Variants in PFKFB2 observed in about 807,000 individuals in gnomAD.
PFKFB2 encodes the protein 6-phosphofructo-2-kinase/fructose-2,6-bisphosphatase 2.
In PFKFB2, 53 loss-of-function variants were observed where a neutral mutation model predicts 68.0. The ratio of observed to expected loss-of-function variants is 0.78; its 90% CI spans 0.63 to 0.98. The LOEUF is 0.98. Ranked by LOEUF, PFKFB2 falls within the 50% of genes least tolerant of loss-of-function variation. The pLI is 0.00. For missense variants in PFKFB2, 451 were observed against 642.0 expected (o/e 0.70, Z 3.22); for synonymous variants, 222 against 227.6 (o/e 0.98, Z 0.22).
In PFKFB2 at chr1:207,063,208, C is replaced by A. The variant is rs777159575; in HGVS notation, c.374C>A (p.Ala125Glu). 6.2e-7 allele frequency: 1 copy of A among 1,612,732 alleles called. No homozygotes were observed. The highest frequency in any genetic ancestry group is 1.1e-5 in the South Asian group (1 of 91,058). ...AYLTEENGQI[A>E]VFDATNTTRE... ...CTCACTGAGGAGAATGGTCAGATTGCGGTAAGCTTTATCTGCTGCTTCTTC... is the reference window on the plus strand; with the variant it reads ...CTCACTGAGGAGAATGGTCAGATTGAGGTAAGCTTTATCTGCTGCTTCTTC... The change falls in exon 5 of 15, where the codon GCG becomes GAG. Residue 125 changes from alanine to glutamate, a missense_variant and splice_region_variant. By Grantham distance (107) the Ala-to-Glu change is moderately radical. Transcript: ENST00000367080. The surrounding 1 kb of genome is among the most constrained non-coding windows in gnomAD (Gnocchi z 4.1).
chr1:207,038,239 C>A (rs770831027), intron 1 of PFKFB2, among the ~76,000 whole-genome samples: 6 of 152,194 alleles, frequency 3.9e-5, no homozygotes, highest in Non-Finnish European at 5.9e-5. Context: ...TATTGTAGAT[C>A]CAGCCCCTTA....
At chr1:207,078,546 T>C (rs1397952243), downstream of PFKFB2, among the ~76,000 whole-genome samples, 3 of 152,220 alleles carry the variant, frequency 2.0e-5, no homozygotes, top group Non-Finnish European at 2.9e-5. Context: ...CTCGTATAAC[T>C]AAAATAGTAG....
At chr1:207,047,526 AAG>A (rs1381733050) in intron 2 of PFKFB2, 6 of 152,756 alleles carry the variant, frequency 3.9e-5, no homozygotes, top group African/African-American at 1.4e-4. Context: ...CTTAATAAAA[AAG>A]AGACCAAAAT....
In PFKFB2 at chr1:207,072,306, G is replaced by C. The variant is rs1247766351; in HGVS notation, c.1453G>C (p.Gly485Arg). The C allele has an allele frequency of 6.2e-7, 1 of 1,614,168 alleles. No individual in the cohort carries two copies. The highest frequency in any genetic ancestry group is 1.7e-5 in the Admixed American group (1 of 60,024). The stretch of plus-strand genomic sequence containing the variant: ...AAGGCGTCCAAGAAATTACAGTGTT[G>C]GGAGCCGGCCCCTCAAGCCCCTCAG... ...TIRRPRNYSV[G>R]SRPLKPLSPL... The change falls in exon 15 of 15, where the codon GGG becomes CGG. Residue 485 changes from glycine to arginine, a missense_variant. By Grantham distance (125) the Gly-to-Arg change is moderately radical (BLOSUM62 -2). Transcript: ENST00000367080.
At chr1:207,049,907 G>C (rs1682694716), upstream of PFKFB2, among the ~76,000 whole-genome samples, 1 of 152,140 alleles carries the variant, frequency 6.6e-6, no homozygotes, top group Admixed American at 6.5e-5. Flanking sequence ...TCATAAAGAT[G>C]AAAAAAGAAC....
chr1:207,078,860 G>C (rs1683695770), downstream of PFKFB2: 1 of 1,010,536 alleles, frequency 9.9e-7, no homozygotes, highest in African/African-American at 1.6e-5. Context: ...GGTTGAGGGA[G>C]GAGGGAAGGT....
Position 207,063,441 on chromosome 1 carries a change from T to C in PFKFB2, c.450+20T>C. 1 of 1,579,816 alleles carries C rather than the reference T, an allele frequency of 6.3e-7. No homozygotes were observed. Among genetic ancestry groups the C allele is most frequent in the South Asian group, 1.1e-5 (1 of 89,768 alleles). On this transcript the variant is annotated intron_variant, in intron 6 of 14. Transcript: ENST00000367080. The surrounding 1 kb of genome is among the most constrained non-coding windows in gnomAD (Gnocchi z 4.1). ...TTCAAGGTAGGATCTGACTCCATGT[T>C]GGAGGAAAAGGGATGAGTAGAGGTG... is the stretch of plus-strand genomic sequence containing the variant.
chr1:207,065,778 T>G (rs1411411489), intron 8 of PFKFB2, among the ~76,000 whole-genome samples: 2 of 152,176 alleles, frequency 1.3e-5, no homozygotes, highest in Non-Finnish European at 2.9e-5. Context: ...CATTGTAGGA[T>G]GTTCAGCAGC....
At position 207,073,643 on chromosome 1, in the gene PFKFB2, C is replaced by T. The variant is rs1003369255; in HGVS notation, c.*1272C>T. On this transcript the variant is annotated 3_prime_UTR_variant, in exon 15 of 15. Coordinates refer to ENST00000367080, the MANE Select transcript of PFKFB2 (RefSeq NM_006212.2). Reference sequence around the variant, plus strand: ...AAGAGAAACTATCTCATCTTGATGTCCAGAGAAGTCCTTGGAACCCTGTGG... The same window carrying T: ...AAGAGAAACTATCTCATCTTGATGTTCAGAGAAGTCCTTGGAACCCTGTGG... The T allele has an allele frequency of 8.4e-5, 83 of 982,688 alleles. No homozygotes were observed. The highest frequency in any genetic ancestry group is 5.2e-4 in the Middle Eastern group (1 of 1,928). 60.9% of individuals were successfully genotyped at this position (982,688 alleles called of 1,614,324 possible).
chr1:207,035,928 T>C (rs1682369110), intron 1 of PFKFB2, among the ~76,000 whole-genome samples: 1 of 152,156 alleles, frequency 6.6e-6, no homozygotes, highest in Admixed American at 6.5e-5. Context: ...TTATTAACAA[T>C]AGACAGGGCC....
At chr1:207,051,204 C>G, upstream of PFKFB2, 2 of 1,275,236 alleles carry the variant, frequency 1.6e-6, no homozygotes, top group Non-Finnish European at 2.1e-6. Flanking sequence ...ACCTATAGAG[C>G]GAGTGAGGTG....
chr1:207,063,085 G>C lies in PFKFB2; in HGVS notation c.309-58G>C. Reference sequence around the variant, plus strand: ...GACTTCTGTAGCCACCCGAATGTTTGTGTCTCTGACTGTTTGAGCTTAGCT... The same window carrying C: ...GACTTCTGTAGCCACCCGAATGTTTCTGTCTCTGACTGTTTGAGCTTAGCT... On this transcript the variant is annotated intron_variant, in intron 4 of 14. Coordinates refer to ENST00000367080, the MANE Select transcript of PFKFB2 (RefSeq NM_006212.2). The surrounding 1 kb of genome is among the most constrained non-coding windows in gnomAD (Gnocchi z 4.1). 1 of 1,414,194 alleles carries C rather than the reference G, an allele frequency of 7.1e-7. No homozygotes were observed. The allele number at this position is 1,414,194 out of a possible 1,614,324, so 87.6% of individuals were successfully genotyped here.
chr1:207,046,503 T>C (rs1682603604), intron 2 of PFKFB2: 1 of 152,076 alleles, frequency 6.6e-6, no homozygotes, highest in Admixed American at 6.5e-5. Flanking sequence ...GGTCCACAAA[T>C]AAAGCTTCAC....
In PFKFB2 at chr1:207,034,994, G is replaced by C. The variant is rs147497310; in HGVS notation, c.-62+522G>C. On this transcript the variant is annotated intron_variant, in intron 1 of 5. Transcript: ENST00000545806. ...CCAAGAGAGTTGGAAAGGAGGCCTG[G>C]ACTACAGAAAAGGGAGGATTTCCAA... 7.7e-3 allele frequency: 1,542 copies of C among 199,862 alleles called. 23 individuals are homozygous for C. The highest frequency in any genetic ancestry group is 0.035 in the African/African-American group (1,464 of 42,302). 12.4% of individuals were successfully genotyped at this position (199,862 alleles called of 1,614,324 possible).
At chr1:207,050,985 G>C, upstream of PFKFB2, 1 of 1,533,396 alleles carries the variant, frequency 6.5e-7, no homozygotes, top group South Asian at 1.2e-5. Context: ...GGGAAACCAG[G>C]CGCCGGGTGG....
At chr1:207,054,675 T>G in intron 1 of PFKFB2, 26 bp from the exon 2 acceptor site, 6 of 1,497,840 alleles carry the variant, frequency 4.0e-6, no homozygotes, top group Non-Finnish European at 5.6e-6. Context: ...CCCTTCCCTT[T>G]TTTACATTCT....
upstream of PFKFB2, chr1:207,049,260 A>G (rs1682674169): frequency 6.2e-7 from 1 of 1,614,154 alleles, no homozygotes; most frequent in Non-Finnish European, 8.5e-7. Flanking sequence ...GCTGAAGTGG[A>G]TCATAGTGGA....
At chr1:207,062,187 A>G in intron 3 of PFKFB2, 109 bp downstream of exon 3, 14 of 1,412,764 alleles carry the variant, frequency 9.9e-6, no homozygotes, top group Middle Eastern at 1.9e-4. Flanking sequence ...CTTTTGGCAG[A>G]AATAGCAGTT....
rs923718972 is a variant in PFKFB2, at chr1:207,073,353, C to A, written c.*982C>A. 3 of 985,266 alleles carry A rather than the reference C, an allele frequency of 3.0e-6. No individual in the cohort carries two copies. The African/African-American group carries it at 5.2e-5, about 17-fold the overall frequency. The allele number at this position is 985,266 out of a possible 1,614,324, so 61.0% of individuals were successfully genotyped here. Reference sequence around the variant, plus strand: ...TCAGGTTCTTTGCCAATCACAGCAACTTTTCCTGCCAAAGCCAGTATCCTC... The same window carrying A: ...TCAGGTTCTTTGCCAATCACAGCAAATTTTCCTGCCAAAGCCAGTATCCTC... On this transcript the variant is annotated 3_prime_UTR_variant, in exon 15 of 15. Transcript: ENST00000367080.
Sources: gnomAD v4.1 joint callset for allele counts (sites outside exome capture counted in the v4.1 genomes callset) on GRCh38, gnomAD v4.1.1 for gene constraint, Gnocchi (gnomAD v3.1) non-coding constraint, MANE v1.5 for transcripts, NCBI Gene and HGNC (gene_info 2026-07-23, HGNC 2026-07-21) for gene names.